Variants in ZNF557 observed in about 807,000 individuals in gnomAD.
ZNF557 encodes the protein CTB-25J19.9.
ZNF557 carries 19 observed loss-of-function variants against 21.2 expected under a neutral mutation model. That is an observed-to-expected ratio of 0.90 (90% confidence interval 0.63 to 1.32). The LOEUF (loss-of-function observed/expected upper bound fraction) is 1.32, where lower values mean the gene tolerates loss of function less well. ZNF557 is among the 40% of genes most tolerant of loss of function. The pLI is 0.00. For missense variants in ZNF557, 487 were observed against 519.8 expected (o/e 0.94, Z 0.61); for synonymous variants, 207 against 194.8 (o/e 1.06, Z -0.52).
chr19:7,080,303 T>TG (rs1416577220), intron 5 of ZNF557, among the ~76,000 whole-genome samples: 3 of 151,966 alleles, frequency 2.0e-5, no homozygotes, highest in African/African-American at 4.8e-5. Flanking sequence ...GACTCCATCT[T>TG]GTGGGGGAAA....
In ZNF557 at chr19:7,083,198, A is replaced by T; in HGVS notation, c.747A>T (p.Ser249=). 6.2e-7 allele frequency: 1 copy of T among 1,614,186 alleles called. No individual in the cohort carries two copies. Among genetic ancestry groups the T allele is most frequent in the Non-Finnish European group, 8.5e-7 (1 of 1,180,020 alleles). The change falls in exon 8 of 8, where the codon TCA becomes TCT. Residue 249 remains serine (S), a synonymous_variant. Coordinates refer to ENST00000252840, the MANE Select transcript of ZNF557 (RefSeq NM_024341.3). Reference sequence around the variant, plus strand: ...GTGGGAAAACCTTCAGCAATTCCTCATACCTCAGACCGCACTTGAGAATTC... The same window carrying T: ...GTGGGAAAACCTTCAGCAATTCCTCTTACCTCAGACCGCACTTGAGAATTC... The part of the protein sequence containing the change: ...SDCGKTFSNS[S]YLRPHLRIHT...
In ZNF557 at chr19:7,078,440, T is replaced by TC. The variant is rs1337567304; in HGVS notation, c.247+1933_247+1934insC. On this transcript the variant is annotated intron_variant, in intron 5 of 7. Coordinates refer to ENST00000252840, the MANE Select transcript of ZNF557 (RefSeq NM_024341.3). The stretch of plus-strand genomic sequence containing the variant: ...CATTATTTTTACATATATTCCTTTT[T>TC]TTTTTTTTTTCCCGGAGTCTCACTC... Among the ~76,000 whole-genome samples, 6 of 151,836 alleles carry TC rather than the reference T, an allele frequency of 4.0e-5. No homozygotes were observed. In the East Asian group the frequency reaches 1.2e-3, roughly 29 times the overall value.
chr19:7,073,486 C>G (rs1351819835), intron 2 of ZNF557, among the ~76,000 whole-genome samples: 1 of 152,114 alleles, frequency 6.6e-6, no homozygotes, highest in Non-Finnish European at 1.5e-5. Context: ...TGTCATAATA[C>G]TAAAACTTTC....
chr19:7,073,203 T>C (rs1025474393), intron 2 of ZNF557, among the ~76,000 whole-genome samples: 1 of 143,296 alleles, frequency 7.0e-6, no homozygotes, highest in South Asian at 2.1e-4. Flanking sequence ...CAGGCTAGAG[T>C]GCAGTGGCAT....
chr19:7,076,652 C>T, intron 5 of ZNF557, 145 bp downstream of exon 5: 2 of 1,212,826 alleles, frequency 1.6e-6, no homozygotes, highest in Non-Finnish European at 2.3e-6. Context: ...TTCGTAGGTT[C>T]ACAGTGTAGT....
In ZNF557 at chr19:7,069,719, C is replaced by T. The variant is rs74747449; in HGVS notation, c.-226C>T. 1,705 of 152,396 alleles carry T rather than the reference C, an allele frequency of 0.011. 19 individuals carry two copies. Among genetic ancestry groups the T allele is most frequent in the Middle Eastern group, 0.044 (13 of 296 alleles). 9.4% of individuals were successfully genotyped at this position (152,396 alleles called of 1,614,324 possible). A position where few individuals can be genotyped will look rare whatever the true frequency, so the allele number is the denominator to read the frequency against. On this transcript the variant is annotated 5_prime_UTR_variant, in exon 1 of 8. Coordinates refer to ENST00000252840, the MANE Select transcript of ZNF557 (RefSeq NM_024341.3). ...CGCGCTTGTGTCTTGTGAGAAGAGCCGCGCTTGCAGCGTCTGGGAGAATCT... is the reference window on the plus strand; with the variant it reads ...CGCGCTTGTGTCTTGTGAGAAGAGCTGCGCTTGCAGCGTCTGGGAGAATCT...
chr19:7,082,929 G>C lies in ZNF557; in HGVS notation c.478G>C (p.Val160Leu). Residue 160 changes from valine to leucine, a missense_variant, in exon 8 of 8, where the codon GTC becomes CTC. Coordinates refer to ENST00000252840, the MANE Select transcript of ZNF557 (RefSeq NM_024341.3). ...TLNECNQCFK[V>L]FSTKSSLTRH... ...CAACGAATGTAATCAGTGTTTTAAAGTCTTCAGCACAAAATCTTCCCTTAC... is the reference window on the plus strand; with the variant it reads ...CAACGAATGTAATCAGTGTTTTAAACTCTTCAGCACAAAATCTTCCCTTAC... 1.9e-6 allele frequency: 3 copies of C among 1,611,272 alleles called. No homozygotes were observed. Among genetic ancestry groups the C allele is most frequent in the Non-Finnish European group, 2.5e-6 (3 of 1,178,566 alleles).
rs1468993995 is a variant in ZNF557 at position 7,075,719 on chromosome 19, T to A, written c.96T>A (p.Asn32Lys). 1.2e-6 allele frequency: 2 copies of A among 1,613,528 alleles called. No homozygotes were observed. The highest frequency in any genetic ancestry group is 1.7e-4 in the Middle Eastern group (1 of 6,060). The change falls in exon 4 of 8, where the codon AAT becomes AAA. Residue 32 changes from asparagine (N) to lysine (K), a missense_variant. By Grantham distance (94) the Asn-to-Lys change is moderately conservative. Coordinates refer to ENST00000252840, the MANE Select transcript of ZNF557 (RefSeq NM_024341.3). ...EGHTEGGELV[N>K]ELLKSWLKGL... is the part of the protein sequence containing the mutation. ...ACACAGAGGGCGGAGAGCTGGTTAA[T>A]GAGCTCCTGAAAAGCTGGCTAAAGG...
intron 2 of ZNF557, among the ~76,000 whole-genome samples, chr19:7,072,656 A>G (rs1466918373): frequency 6.6e-6 from 1 of 152,228 alleles, no homozygotes; most frequent in Non-Finnish European, 1.5e-5. Flanking sequence ...CCACTGAGCA[A>G]GACCCTACCT....
At position 7,083,907 on chromosome 19, in the gene ZNF557, T is replaced by C; in HGVS notation, c.*163T>C. On this transcript the variant is annotated 3_prime_UTR_variant, in exon 8 of 8. Transcript: ENST00000252840. ...CTTGTTATCTCAAAATTTTTGTAGG[T>C]CAGGAATTCAGAAACAACATAGCTC... The C allele has an allele frequency of 1.4e-6, 1 of 733,028 alleles. No homozygotes were observed. Among genetic ancestry groups the C allele is most frequent in the South Asian group, 1.9e-5 (1 of 53,002 alleles). The allele number at this position is 733,028 out of a possible 1,614,324, so 45.4% of individuals were successfully genotyped here. A position where few individuals can be genotyped will look rare whatever the true frequency, so the allele number is the denominator to read the frequency against.
At chr19:7,073,147 GGTTTTTTTT>G in intron 2 of ZNF557, among the ~76,000 whole-genome samples, 1 of 74,474 alleles carries the variant, frequency 1.3e-5, no homozygotes, top group East Asian at 3.0e-4. Flanking sequence ...TTGTTTTTTT[GGTTTTTTTT>G]GTTTTTTTTT....
At position 7,084,605 on chromosome 19, in the gene ZNF557, G is replaced by A. The variant is rs980853222; in HGVS notation, c.*861G>A. The A allele has an allele frequency of 6.6e-6, 1 of 152,052 alleles. No homozygotes were observed. The highest frequency in any genetic ancestry group is 6.6e-5 in the Admixed American group (1 of 15,258). 9.4% of individuals were successfully genotyped at this position (152,052 alleles called of 1,614,324 possible). A position where few individuals can be genotyped will look rare whatever the true frequency, so the allele number is the denominator to read the frequency against. ...TAGGTTCAAGCAGTCCTTTCATCTT[G>A]GCCTCCAGAAGTACTGGGATTACAG... On this transcript the variant is annotated 3_prime_UTR_variant, in exon 8 of 8. Transcript: ENST00000252840.
intron 2 of ZNF557, among the ~76,000 whole-genome samples, chr19:7,074,744 A>G (rs1977542405): frequency 7.8e-6 from 1 of 128,068 alleles, no homozygotes; most frequent in Non-Finnish European, 1.6e-5. Context: ...GGGGTGACCG[A>G]GGCAGGGCAC....
rs1977855753 is a variant in ZNF557 at position 7,086,631 on chromosome 19, G to A, written c.*2887G>A. On this transcript the variant is annotated 3_prime_UTR_variant, in exon 8 of 8. Transcript: ENST00000252840. ...CTGCCTCGGCCTCCCAAAGCACTGG[G>A]ATTACAGGCGTGAGCCACCATGCCC... 1 of 148,624 alleles carries A rather than the reference G, an allele frequency of 6.7e-6. No individual in the cohort carries two copies. The highest frequency in any genetic ancestry group is 1.5e-5 in the Non-Finnish European group (1 of 67,704). 9.2% of individuals were successfully genotyped at this position (148,624 alleles called of 1,614,324 possible).
Position 7,075,000 on chromosome 19 carries a change from C to A in ZNF557, c.-75C>A. 1 of 1,610,482 alleles carries A rather than the reference C, an allele frequency of 6.2e-7. No homozygotes were observed. The highest frequency in any genetic ancestry group is 8.5e-7 in the Non-Finnish European group (1 of 1,178,056). On this transcript the variant is annotated 5_prime_UTR_variant, in exon 3 of 8. In the 5' UTR this introduces an upstream ATG that the reference lacks. Transcript: ENST00000252840. ...TGTTCCCCCCATTTCTTCCAGGGTG[C>A]TGTCCTGAGAGCGCTGCGGGATAAA...
In ZNF557 at chr19:7,075,018, G is replaced by A. The variant is rs551861068; in HGVS notation, c.-57G>A. On this transcript the variant is annotated 5_prime_UTR_variant, in exon 3 of 8. Coordinates refer to ENST00000252840, the MANE Select transcript of ZNF557 (RefSeq NM_024341.3). The stretch of plus-strand genomic sequence containing the variant: ...CAGGGTGCTGTCCTGAGAGCGCTGC[G>A]GGATAAAGGAGGAGCGTCCTGCTTC... 19 of 1,613,542 alleles carry A rather than the reference G, an allele frequency of 1.2e-5. No homozygotes were observed. The highest frequency in any genetic ancestry group is 1.1e-4 in the East Asian group (5 of 44,880).
At position 7,087,226 on chromosome 19, in the gene ZNF557, T is replaced by TTTTATTTTTTTCC. The variant is rs1555730813; in HGVS notation, c.*3482_*3483insTTTATTTTTTTCC. The TTTTATTTTTTTCC allele has an allele frequency of 1.1e-5, 1 of 87,560 alleles. No homozygotes were observed. The highest frequency in any genetic ancestry group is 2.1e-5 in the Non-Finnish European group (1 of 47,462). The allele number at this position is 87,560 out of a possible 1,614,324, so 5.4% of individuals were successfully genotyped here. On this transcript the variant is annotated 3_prime_UTR_variant, in exon 8 of 8. Coordinates refer to ENST00000252840, the MANE Select transcript of ZNF557 (RefSeq NM_024341.3). ...GCTTTTTTTTTTTTTTTTTTTTTTTTCTTCACTGTGGTGATAAAAACCACA... is the reference window on the plus strand; with the variant it reads ...GCTTTTTTTTTTTTTTTTTTTTTTTTTTTATTTTTTTCCCTTCACTGTGGTGATAAAAACCACA...
rs1009180469 is a variant in ZNF557 at position 7,087,841 on chromosome 19, T to C, written c.*4097T>C. ...TGAAAACAGTATACTATGTATCTAA[T>C]TTTTGGATACAGGATGGACATACGT... On this transcript the variant is annotated 3_prime_UTR_variant, in exon 8 of 8. Coordinates refer to ENST00000252840, the MANE Select transcript of ZNF557 (RefSeq NM_024341.3). 2 of 152,082 alleles carry C rather than the reference T, an allele frequency of 1.3e-5. No individual in the cohort carries two copies. The highest frequency in any genetic ancestry group is 1.3e-4 in the Admixed American group (2 of 15,262). The allele number at this position is 152,082 out of a possible 1,614,324, so 9.4% of individuals were successfully genotyped here.
rs1977860266 is a variant in ZNF557 at position 7,086,808 on chromosome 19, C to G, written c.*3064C>G. ...TGGGAGGCCGAGGCAGGCGGACCAC[C>G]TGAGGTCAGGAGTTCAAGACTAGCT... is the stretch of plus-strand genomic sequence containing the variant. On this transcript the variant is annotated 3_prime_UTR_variant, in exon 8 of 8. Transcript: ENST00000252840. The G allele has an allele frequency of 6.6e-6, 1 of 152,002 alleles. No homozygotes were observed. The highest frequency in any genetic ancestry group is 1.5e-5 in the Non-Finnish European group (1 of 68,052). The allele number at this position is 152,002 out of a possible 1,614,324, so 9.4% of individuals were successfully genotyped here.
Sources: gnomAD v4.1 joint callset for allele counts (sites outside exome capture counted in the v4.1 genomes callset) on GRCh38, gnomAD v4.1.1 for gene constraint, MANE v1.5 for transcripts, NCBI Gene and HGNC (gene_info 2026-07-23, HGNC 2026-07-21) for gene names.